Variants in GPR149 observed in about 807,000 individuals in gnomAD.
The protein encoded by GPR149 is G protein-coupled receptor 149.
A neutral mutation model predicts 50.2 loss-of-function variants in GPR149; 50 were observed. That is an observed-to-expected ratio of 1.00 (90% CI 0.79 to 1.26). The LOEUF (loss-of-function observed/expected upper bound fraction) is 1.26. Ranked by LOEUF, GPR149 falls within the 50% of genes most tolerant of loss-of-function variation. The probability of loss-of-function intolerance (pLI) is 0.00; values close to 1 mark genes in which losing one functional copy is unlikely to be tolerated. For missense variants in GPR149, 983 were observed against 895.4 expected (o/e 1.10, Z -1.25); for synonymous variants, 405 against 358.2 (o/e 1.13, Z -1.48).
intron 3 of GPR149, among the ~76,000 whole-genome samples, chr3:154,342,137 A>C (rs1713812699): frequency 6.6e-6 from 1 of 152,222 alleles, no homozygotes; most frequent in African/African-American, 2.4e-5. Flanking sequence ...TGGAAACCAC[A>C]AAGTAAAAGA....
At chr3:154,413,942 GTA>G (rs3038651) in intron 3 of GPR149, among the ~76,000 whole-genome samples, 3,877 of 147,878 alleles carry the variant, frequency 0.026, 150 homozygotes, top group African/African-American at 0.091. Flanking sequence ...AGAAATTGTA[GTA>G]TATATATATA....
At chr3:154,348,810 C>A (rs1713994060) in intron 3 of GPR149, among the ~76,000 whole-genome samples, 1 of 151,966 alleles carries the variant, frequency 6.6e-6, no homozygotes, top group African/African-American at 2.4e-5. Flanking sequence ...ACACTCCATC[C>A]AACAACAACA....
intron 2 of GPR149, among the ~76,000 whole-genome samples, chr3:154,423,819 G>C (rs1042385957): frequency 6.6e-6 from 1 of 151,438 alleles, no homozygotes. Context: ...TGTCTATGGG[G>C]CCAGTTAGGT....
intron 3 of GPR149, among the ~76,000 whole-genome samples, chr3:154,346,491 C>T (rs1713928889): frequency 6.6e-6 from 1 of 152,050 alleles, no homozygotes; most frequent in South Asian, 2.1e-4. Context: ...AAATGAGGGC[C>T]TTCATCAAGG....
At chr3:154,386,928 T>G (rs1715056792) in intron 3 of GPR149, among the ~76,000 whole-genome samples, 1 of 151,990 alleles carries the variant, frequency 6.6e-6, no homozygotes, top group South Asian at 2.1e-4. Context: ...TGGGATAAAT[T>G]CAGCTTTTCT....
chr3:154,394,990 C>G (rs1312448955), intron 3 of GPR149, among the ~76,000 whole-genome samples: 1 of 152,024 alleles, frequency 6.6e-6, no homozygotes, highest in Non-Finnish European at 1.5e-5. Context: ...ATTTATAAAA[C>G]AAATAATTGC....
chr3:154,367,632 G>A (rs895922495), intron 3 of GPR149, among the ~76,000 whole-genome samples: 1 of 152,140 alleles, frequency 6.6e-6, no homozygotes, highest in Non-Finnish European at 1.5e-5. Context: ...ATCTAACACT[G>A]GCTACCCACT....
At chr3:154,422,024 TTAGAC>T (rs1712161204) in intron 2 of GPR149, among the ~76,000 whole-genome samples, 1 of 151,684 alleles carries the variant, frequency 6.6e-6, no homozygotes, top group South Asian at 2.1e-4. Context: ...ACATTAAAAA[TTAGAC>T]TATACTGCAA....
intron 3 of GPR149, among the ~76,000 whole-genome samples, chr3:154,341,382 A>T (rs1713797700): frequency 7.1e-6 from 1 of 141,184 alleles, no homozygotes; most frequent in Non-Finnish European, 1.5e-5. Context: ...TACAGATGAA[A>T]ATATTATCTT....
chr3:154,427,462 C>T (rs1289319536), intron 2 of GPR149, 54 bp downstream of exon 2: 2 of 1,506,584 alleles, frequency 1.3e-6, no homozygotes, highest in African/African-American at 2.8e-5. Context: ...GACCACTTTT[C>T]TGAAAGTCAC....
At chr3:154,391,207 A>T (rs2069052980) in intron 3 of GPR149, among the ~76,000 whole-genome samples, 1 of 152,040 alleles carries the variant, frequency 6.6e-6, no homozygotes, top group Admixed American at 6.6e-5. Flanking sequence ...ATCATAATAT[A>T]AAAAAGTCAA....
chr3:154,412,531 A>G (rs1711866604), intron 3 of GPR149, among the ~76,000 whole-genome samples: 1 of 152,154 alleles, frequency 6.6e-6, no homozygotes, highest in Non-Finnish European at 1.5e-5. Context: ...ATACACCAAC[A>G]GAAACCAAGC....
chr3:154,402,923 C>T (rs1458540136), intron 3 of GPR149, among the ~76,000 whole-genome samples: 1 of 150,434 alleles, frequency 6.6e-6, no homozygotes, highest in East Asian at 1.9e-4. Context: ...GTTAGTATTC[C>T]ATTAAAGCAT....
At chr3:154,397,498 A>G (rs1173688725) in intron 3 of GPR149, among the ~76,000 whole-genome samples, 1 of 152,236 alleles carries the variant, frequency 6.6e-6, no homozygotes, top group Non-Finnish European at 1.5e-5. Context: ...AAACTGAATT[A>G]TATGAAAAAC....
intron 3 of GPR149, among the ~76,000 whole-genome samples, chr3:154,378,339 C>T (rs912382391): frequency 1.3e-5 from 2 of 151,916 alleles, no homozygotes; most frequent in Non-Finnish European, 2.9e-5. Context: ...AGTGATCTGC[C>T]CACCTTGGGC....
intron 3 of GPR149, among the ~76,000 whole-genome samples, chr3:154,387,877 C>A (rs774313646): frequency 1.3e-5 from 2 of 152,050 alleles, no homozygotes; most frequent in African/African-American, 4.8e-5. Context: ...AAACAATACA[C>A]GTCTTGTGAA....
At chr3:154,357,936 T>G (rs1210145786) in intron 3 of GPR149, among the ~76,000 whole-genome samples, 1 of 152,188 alleles carries the variant, frequency 6.6e-6, no homozygotes, top group Non-Finnish European at 1.5e-5. Context: ...GTGGCACATA[T>G]ACACCATGGA....
chr3:154,339,006 A>T (rs780084726), intron 3 of GPR149, among the ~76,000 whole-genome samples: 18 of 152,214 alleles, frequency 1.2e-4, no homozygotes, highest in Admixed American at 3.9e-4. Context: ...AAATGAAGAA[A>T]ATAAGATTGA....
intron 2 of GPR149, 38 bp from the exon 3 acceptor site, chr3:154,421,525 G>A: frequency 1.8e-6 from 2 of 1,103,948 alleles, no homozygotes; most frequent in Admixed American, 2.7e-5. Context: ...TGGCTAGTAA[G>A]GTAGATAAAG....
Sources: gnomAD v4.1 joint callset for allele counts (sites outside exome capture counted in the v4.1 genomes callset) on GRCh38, gnomAD v4.1.1 for gene constraint, MANE v1.5 for transcripts, NCBI Gene and HGNC (gene_info 2026-07-23, HGNC 2026-07-21) for gene names.